SNX29: variants seen among roughly 807,000 people sequenced by gnomAD.
SNX29 encodes the protein sorting nexin-29.
A neutral mutation model predicts 102.1 loss-of-function variants in SNX29; 78 were observed. The ratio of observed to expected loss-of-function variants is 0.76; its 90% CI spans 0.64 to 0.92. The LOEUF (loss-of-function observed/expected upper bound fraction) is 0.92, where lower values mean the gene tolerates loss of function less well. Among genes scored for constraint, SNX29 ranks in the 40% least tolerant of loss-of-function variants. The pLI, the probability that SNX29 is intolerant of heterozygous loss-of-function variation, is 0.00. For missense variants in SNX29, 1,280 were observed against 1,061.7 expected (o/e 1.21, Z -2.86); for synonymous variants, 580 against 414.5 (o/e 1.40, Z -4.85).
intron 14 of SNX29, among the ~76,000 whole-genome samples, chr16:12,269,552 C>T (rs765174903): frequency 6.6e-6 from 1 of 152,130 alleles, no homozygotes; most frequent in Non-Finnish European, 1.5e-5. Context: ...AGTATCCAGC[C>T]ATGTAGATAA....
chr16:12,296,407 G>T (rs1300809374), intron 15 of SNX29, among the ~76,000 whole-genome samples: 1 of 151,478 alleles, frequency 6.6e-6, no homozygotes, highest in Non-Finnish European at 1.5e-5. Flanking sequence ...CAATTTTTTT[G>T]ACACATCAGA....
At chr16:12,401,022 A>C (rs1477964140) in intron 17 of SNX29, among the ~76,000 whole-genome samples, 1 of 152,108 alleles carries the variant, frequency 6.6e-6, no homozygotes, top group Non-Finnish European at 1.5e-5. Flanking sequence ...TAGTAGAGAC[A>C]GGGTTTCACC....
intron 20 of SNX29, among the ~76,000 whole-genome samples, chr16:12,551,492 A>AAAAAG (rs2077973993): frequency 2.6e-5 from 4 of 152,192 alleles, no homozygotes; most frequent in South Asian, 4.1e-4. Flanking sequence ...ATGCAACATT[A>AAAAAG]ATCTTTGGGC....
intron 1 of SNX29, among the ~76,000 whole-genome samples, chr16:11,983,038 C>A (rs999898356): frequency 5.9e-5 from 9 of 152,010 alleles, no homozygotes; most frequent in African/African-American, 1.7e-4. Flanking sequence ...TCCAGTGATT[C>A]TCTTGCCTCA....
intron 16 of SNX29, among the ~76,000 whole-genome samples, chr16:12,362,840 C>G (rs912553808): frequency 1.3e-5 from 2 of 152,064 alleles, no homozygotes; most frequent in African/African-American, 4.8e-5. Flanking sequence ...TTATCTTTCC[C>G]GCGTCCACAA....
intron 11 of SNX29, among the ~76,000 whole-genome samples, chr16:12,085,137 C>T (rs1227522217): frequency 1.3e-5 from 2 of 152,076 alleles, no homozygotes; most frequent in Admixed American, 6.6e-5. Flanking sequence ...TGGGCCCTTT[C>T]CCCTTGTCTG....
intron 15 of SNX29, among the ~76,000 whole-genome samples, chr16:12,312,798 A>G (rs764717766): frequency 3.9e-5 from 6 of 152,072 alleles, no homozygotes; most frequent in African/African-American, 9.7e-5. Context: ...CTGTTAGGCA[A>G]TGGAGATAGA....
In SNX29 at chr16:12,096,792, T is replaced by G. The variant is rs116530350; in HGVS notation, c.1402+17877T>G. 0.014 allele frequency among the ~76,000 whole-genome samples: 2,093 copies of G among 152,276 alleles called. 48 individuals are homozygous for G. Among genetic ancestry groups the G allele is most frequent in the African/African-American group, 0.044 (1,815 of 41,544 alleles). ...GTTATGCAGTACAGCTCCCAACTCCTTACCTGGAAAAAGACCAGTGCTGGA... is the reference window on the plus strand; with the variant it reads ...GTTATGCAGTACAGCTCCCAACTCCGTACCTGGAAAAAGACCAGTGCTGGA... On this transcript the variant is annotated intron_variant, in intron 11 of 20. Coordinates refer to ENST00000566228, the MANE Select transcript of SNX29 (RefSeq NM_032167.5). This position sits in a 1 kb window ranked among gnomAD's most constrained non-coding sequence, Gnocchi z 4.2.
chr16:12,559,747 C>T (rs1053308903), intron 20 of SNX29, among the ~76,000 whole-genome samples: 8 of 152,130 alleles, frequency 5.3e-5, no homozygotes, highest in African/African-American at 1.9e-4. Flanking sequence ...TAGTGATGCC[C>T]AGCCTGACAG....
At chr16:12,541,055 A>G (rs1159581847) in intron 20 of SNX29, among the ~76,000 whole-genome samples, 2 of 152,160 alleles carry the variant, frequency 1.3e-5, no homozygotes, top group Non-Finnish European at 2.9e-5. Flanking sequence ...GCTGCTATTT[A>G]GTTTCCTGAG....
intron 14 of SNX29, among the ~76,000 whole-genome samples, chr16:12,254,598 G>A (rs994776345): frequency 8.6e-5 from 13 of 151,806 alleles, no homozygotes; most frequent in African/African-American, 2.4e-4. Context: ...CTGAGATTGC[G>A]CCACTGTATT....
At chr16:12,508,675 C>T (rs373291619) in intron 19 of SNX29, among the ~76,000 whole-genome samples, 2 of 152,212 alleles carry the variant, frequency 1.3e-5, no homozygotes, top group Non-Finnish European at 2.9e-5. Flanking sequence ...CTCTGTTAAG[C>T]CTGTGGCCAT....
intron 19 of SNX29, among the ~76,000 whole-genome samples, chr16:12,481,876 TCTGTG>T (rs2087952961): frequency 6.6e-6 from 1 of 152,200 alleles, no homozygotes; most frequent in African/African-American, 2.4e-5. Context: ...TCTTTCTTTT[TCTGTG>T]CATTTGGCTA....
At chr16:12,309,061 A>G (rs948979919) in intron 15 of SNX29, among the ~76,000 whole-genome samples, 6 of 152,208 alleles carry the variant, frequency 3.9e-5, no homozygotes, top group Non-Finnish European at 8.8e-5. Flanking sequence ...GGCCATTAGC[A>G]TTGACAGAAC....
chr16:12,444,092 G>A (rs919246554), intron 18 of SNX29, among the ~76,000 whole-genome samples: 2 of 151,220 alleles, frequency 1.3e-5, no homozygotes, highest in East Asian at 1.9e-4. Context: ...TAAGCACTCA[G>A]TATAGCACCT....
At chr16:12,284,863 T>C (rs1235006081) in intron 15 of SNX29, among the ~76,000 whole-genome samples, 3 of 152,126 alleles carry the variant, frequency 2.0e-5, no homozygotes, top group Non-Finnish European at 2.9e-5. Flanking sequence ...TAGCTGAGAT[T>C]ACAGATGCGT....
At chr16:12,199,531 C>G in intron 13 of SNX29, 70 bp from the exon 14 acceptor site, 2 of 1,363,558 alleles carry the variant, frequency 1.5e-6, no homozygotes, top group Non-Finnish European at 2.0e-6. Flanking sequence ...CCACCCACCC[C>G]TGCCCCCTCC....
intron 14 of SNX29, among the ~76,000 whole-genome samples, chr16:12,224,213 G>A (rs2077550910): frequency 6.6e-6 from 1 of 152,176 alleles, no homozygotes; most frequent in Non-Finnish European, 1.5e-5. Context: ...GAGTAGATGT[G>A]GTAAATTCTA....
chr16:12,116,701 C>T (rs2053716659), intron 11 of SNX29, among the ~76,000 whole-genome samples: 1 of 152,240 alleles, frequency 6.6e-6, no homozygotes, highest in African/African-American at 2.4e-5. Context: ...GGCACTGATA[C>T]ATGCTTCAAC....
Sources: gnomAD v4.1 joint callset for allele counts (sites outside exome capture counted in the v4.1 genomes callset) on GRCh38, gnomAD v4.1.1 for gene constraint, Gnocchi (gnomAD v3.1) non-coding constraint, MANE v1.5 for transcripts, NCBI Gene and HGNC (gene_info 2026-07-23, HGNC 2026-07-21) for gene names.